The following TMC3 variants were observed in gnomAD, a reference collection of about 807,000 sequenced individuals.
TMC3 encodes the protein transmembrane channel-like protein 3.
In TMC3, 98 loss-of-function variants were observed where a neutral mutation model predicts 110.6. The ratio of observed to expected loss-of-function variants is 0.89; its 90% CI spans 0.75 to 1.05. TMC3 has a LOEUF of 1.05. Ranked by LOEUF, TMC3 falls within the 50% of genes least tolerant of loss-of-function variation. The probability of loss-of-function intolerance (pLI) is 0.00; values close to 1 mark genes in which losing one functional copy is unlikely to be tolerated. For missense variants in TMC3, 1,319 were observed against 1,373.2 expected, an observed-to-expected ratio of 0.96 and a Z score of 0.62; for synonymous variants, 489 against 513.1, an observed-to-expected ratio of 0.95 and a Z score of 0.63.
chr15:81,354,000 T>G (rs139023482), intron 9 of TMC3, among the ~76,000 whole-genome samples: 1 of 152,368 alleles, frequency 6.6e-6, no homozygotes, highest in African/African-American at 2.4e-5. Flanking sequence ...TTGGTCTCAC[T>G]TCTCATATGC....
At chr15:81,345,593 G>T (rs951148214) in intron 12 of TMC3, among the ~76,000 whole-genome samples, 1 of 152,114 alleles carries the variant, frequency 6.6e-6, no homozygotes, top group African/African-American at 2.4e-5. Flanking sequence ...CATCAGGCTG[G>T]GCGTGATGCC....
rs1893551423 is a variant in TMC3 at position 81,334,722 on chromosome 15, G to A, written c.2457C>T (p.Asn819=). ...VPKSRLEHET[N]RYLHGLCAST... ...TCTGTGCTGCAGTGGAGCCTCACCTGTTAGTTTCATGCTCTAGCCTGGATT... is the reference window on the plus strand; with the variant it reads ...TCTGTGCTGCAGTGGAGCCTCACCTATTAGTTTCATGCTCTAGCCTGGATT... Residue 819 remains asparagine, a splice_region_variant and synonymous_variant, in exon 21 of 22, where the codon AAC becomes AAT. Transcript: ENST00000359440. The A allele has an allele frequency of 6.2e-7, 1 of 1,613,416 alleles. No individual in the cohort carries two copies. Among genetic ancestry groups the A allele is most frequent in the East Asian group, 2.2e-5 (1 of 44,858 alleles).
Position 81,343,982 on chromosome 15 carries a change from A to C in TMC3, c.1582T>G (p.Phe528Val), listed in dbSNP as rs1893770276. Reference sequence around the variant, plus strand: ...TACCGCACGAAAAGTCCTCGGAAGAAGTCTATGAGCAGAATGCTCGCCACG... The same window carrying C: ...TACCGCACGAAAAGTCCTCGGAAGACGTCTATGAGCAGAATGCTCGCCACG... Reference protein sequence around the residue: ...FTVASILLIDFFRGLFVRYLS... With the variant: ...FTVASILLIDVFRGLFVRYLS... Residue 528 changes from phenylalanine (F) to valine (V), a missense_variant, in exon 14 of 22, where the codon TTC becomes GTC. By Grantham distance (50) the Phe-to-Val change is conservative (BLOSUM62 -1). Coordinates refer to ENST00000359440, the MANE Select transcript of TMC3 (RefSeq NM_001080532.3). The C allele has an allele frequency of 3.1e-6, 5 of 1,613,350 alleles. No individual in the cohort carries two copies. The East Asian group carries it at 1.1e-4, about 36-fold the overall frequency.
intron 8 of TMC3, 126 bp from the exon 9 acceptor site, chr15:81,355,894 A>G: frequency 6.6e-6 from 4 of 604,092 alleles, no homozygotes; most frequent in Non-Finnish European, 1.1e-5. Context: ...GTAGGATTCA[A>G]TTGATATAAA....
chr15:81,334,266 G>A (rs1893540770), intron 21 of TMC3, among the ~76,000 whole-genome samples: 2 of 152,122 alleles, frequency 1.3e-5, no homozygotes, highest in Non-Finnish European at 2.9e-5. Flanking sequence ...GGCCACCGCA[G>A]GTCTATCCCC....
chr15:81,357,707 G>C (rs569564729), intron 7 of TMC3, among the ~76,000 whole-genome samples: 1 of 152,292 alleles, frequency 6.6e-6, no homozygotes, highest in East Asian at 1.9e-4. Context: ...CTAGGTCACA[G>C]GCAAACAAAC....
chr15:81,346,346 ATC>A lies in TMC3; in HGVS notation c.1272+17_1272+18del. The A allele has an allele frequency of 2.5e-6, 4 of 1,612,066 alleles. No individual in the cohort carries two copies. Among genetic ancestry groups the A allele is most frequent in the Non-Finnish European group, 3.4e-6 (4 of 1,178,804 alleles). On this transcript the variant is annotated intron_variant, in intron 12 of 21. Coordinates refer to ENST00000359440, the MANE Select transcript of TMC3 (RefSeq NM_001080532.3). ...GAGGGCAGAGGTGGGGCAGGCAACT[ATC>A]TGGGATGGGCACTCACCTCAATGCT...
In TMC3 at chr15:81,359,459, G is replaced by C; in HGVS notation, c.407C>G (p.Ser136Cys). ...RIKKIESHFGSGVASYFIFLR... is the reference protein window; with the variant it reads ...RIKKIESHFGCGVASYFIFLR... The stretch of plus-strand genomic sequence containing the variant: ...GAATATGAAATAGGAGGCAACGCCA[G>C]ATCCAAAATGACCTAAAGAAAGACA... The change falls in exon 5 of 22, where the codon TCT becomes TGT. Residue 136 changes from serine to cysteine, a missense_variant. Ser to Cys is a moderately radical substitution (Grantham distance 112). Transcript: ENST00000359440. 6.3e-7 allele frequency: 1 copy of C among 1,589,400 alleles called. No individual in the cohort carries two copies. The highest frequency in any genetic ancestry group is 8.6e-7 in the Non-Finnish European group (1 of 1,169,252).
Position 81,332,287 on chromosome 15 carries a change from A to G in TMC3, c.*132T>C. On this transcript the variant is annotated 3_prime_UTR_variant, in exon 22 of 22. Coordinates refer to ENST00000359440, the MANE Select transcript of TMC3 (RefSeq NM_001080532.3). ...CCCTGTCAGCCTCAGGGCCTCAGCT[A>G]GCAGCCGCTGACCATGCCCCTCAGG... 3.8e-6 allele frequency: 5 copies of G among 1,319,768 alleles called. No individual in the cohort carries two copies. The highest frequency in any genetic ancestry group is 5.0e-6 in the Non-Finnish European group (5 of 991,222). 81.8% of individuals were successfully genotyped at this position (1,319,768 alleles called of 1,614,324 possible). A position where few individuals can be genotyped will look rare whatever the true frequency, so the allele number is the denominator to read the frequency against.
Position 81,341,617 on chromosome 15 carries a change from G to A in TMC3, c.1716-99C>T, listed in dbSNP as rs969672517. 39 of 1,345,378 alleles carry A rather than the reference G, an allele frequency of 2.9e-5. No homozygotes were observed. The Admixed American group carries it at 3.3e-4, about 11-fold the overall frequency. The allele number at this position is 1,345,378 out of a possible 1,614,324, so 83.3% of individuals were successfully genotyped here. ...CAGGAACATGGTTCTGACACTTTGG[G>A]GATTATACCCTAAGCTTAAAGGACT... On this transcript the variant is annotated intron_variant, in intron 15 of 21. Coordinates refer to ENST00000359440, the MANE Select transcript of TMC3 (RefSeq NM_001080532.3).
Position 81,358,297 on chromosome 15 carries a change from A to G in TMC3, c.601-6T>C. ...ACAGAGTACTGGAGGTAGCCCTGCA[A>G]AGAAAACACTCAGTGTCATTTCTGC... On this transcript the variant is annotated splice_region_variant and splice_polypyrimidine_tract_variant and intron_variant, in intron 6 of 21. Transcript: ENST00000359440. 1 of 1,602,950 alleles carries G rather than the reference A, an allele frequency of 6.2e-7. No homozygotes were observed. The highest frequency in any genetic ancestry group is 8.5e-7 in the Non-Finnish European group (1 of 1,174,216).
At chr15:81,362,412 A>G in intron 3 of TMC3, 111 bp from the exon 4 acceptor site, 1 of 763,226 alleles carries the variant, frequency 1.3e-6, no homozygotes, top group South Asian at 1.6e-5. Context: ...GGTACCTTTA[A>G]TTATGATTAT....
intron 3 of TMC3, 123 bp from the exon 4 acceptor site, chr15:81,362,424 G>T: frequency 1.4e-6 from 1 of 711,180 alleles, no homozygotes; most frequent in Non-Finnish European, 2.4e-6. Flanking sequence ...TATGATTATG[G>T]CTTCATAGGC....
At position 81,338,676 on chromosome 15, in the gene TMC3, A is replaced by G. The variant is rs2141693575; in HGVS notation, c.2060T>C (p.Leu687Pro). ...TCACAAAAGCAGGAGTACTGCGGGC[A>G]GGATGACCACGGGGCTACTGATGTG... ...VGHISSPVVILPAVLLLFMLI... is the reference protein window; with the variant it reads ...VGHISSPVVIPPAVLLLFMLI... Residue 687 changes from leucine (L) to proline (P), a missense_variant, in exon 18 of 22, where the codon CTG (leucine) becomes CCG (proline). Coordinates refer to ENST00000359440, the MANE Select transcript of TMC3 (RefSeq NM_001080532.3). The G allele has an allele frequency of 1.9e-6, 3 of 1,614,054 alleles. No homozygotes were observed. In the East Asian group the frequency reaches 6.7e-5, roughly 36 times the overall value.
At chr15:81,335,280 T>G (rs1466621682) in intron 20 of TMC3, among the ~76,000 whole-genome samples, 1 of 152,198 alleles carries the variant, frequency 6.6e-6, no homozygotes, top group Non-Finnish European at 1.5e-5. Context: ...TCCTTATCTA[T>G]TCAATGGAGA....
intron 18 of TMC3, among the ~76,000 whole-genome samples, chr15:81,338,227 C>G (rs1274854709): frequency 1.3e-5 from 2 of 152,162 alleles, no homozygotes; most frequent in Admixed American, 6.5e-5. Flanking sequence ...GTCTATCAAG[C>G]TATGAGTACA....
Position 81,332,569 on chromosome 15 carries a change from G to C in TMC3, c.3153C>G (p.Asp1051Glu). The stretch of plus-strand genomic sequence containing the variant: ...ACTGGTCAGCGCTGCTGTTCTGCTG[G>C]TCACTGCTGGATGCTGCCGACACGG... Reference protein sequence around the residue: ...SDSVSAASSSDQQNSSADQYL... With the variant: ...SDSVSAASSSEQQNSSADQYL... The change falls in exon 22 of 22, where the codon GAC becomes GAG. Residue 1051 changes from aspartate (D) to glutamate (E), a missense_variant. Coordinates refer to ENST00000359440, the MANE Select transcript of TMC3 (RefSeq NM_001080532.3). 2 of 1,614,024 alleles carry C rather than the reference G, an allele frequency of 1.2e-6. No homozygotes were observed. Among genetic ancestry groups the C allele is most frequent in the South Asian group, 2.2e-5 (2 of 91,078 alleles).
In TMC3 at chr15:81,364,710, A is replaced by AAT. The variant is rs1555429404; in HGVS notation, c.313-2410_313-2409insAT. The stretch of plus-strand genomic sequence containing the variant: ...AAAAAAACATTATTCCAAAAAAAAA[A>AAT]AAATAAAAAATAAAACTGTAATAAA... On this transcript the variant is annotated intron_variant, in intron 3 of 21. Coordinates refer to ENST00000359440, the MANE Select transcript of TMC3 (RefSeq NM_001080532.3). Among the ~76,000 whole-genome samples, 362 of 97,104 alleles carry AAT rather than the reference A, an allele frequency of 3.7e-3. 3 individuals are homozygous for AAT. The highest frequency in any genetic ancestry group is 0.011 in the African/African-American group (321 of 28,578). 63.7% of individuals were successfully genotyped at this position (97,104 alleles called of 152,430 possible).
In TMC3 at chr15:81,349,581, A is replaced by C. The variant is rs776784793; in HGVS notation, c.1084-14T>G. The C allele has an allele frequency of 6.9e-7, 1 of 1,445,356 alleles. No individual in the cohort carries two copies. Among genetic ancestry groups the C allele is most frequent in the Admixed American group, 2.5e-5 (1 of 39,540 alleles). The allele number at this position is 1,445,356 out of a possible 1,614,324, so 89.5% of individuals were successfully genotyped here. On this transcript the variant is annotated splice_polypyrimidine_tract_variant and intron_variant, in intron 10 of 21. Transcript: ENST00000359440. The stretch of plus-strand genomic sequence containing the variant: ...CACCACACTGACCTGCTGAGAGAGC[A>C]CATGCCAGAGCCAGACATTCCCAGG...
Sources: allele counts gnomAD v4.1 joint callset (sites outside exome capture counted in the v4.1 genomes callset), GRCh38; gene constraint gnomAD v4.1.1; transcripts MANE v1.5; gene names NCBI Gene and HGNC (gene_info 2026-07-23, HGNC 2026-07-21).